MTUS2: variants seen among roughly 807,000 people sequenced by gnomAD.
MTUS2 encodes microtubule-associated tumor suppressor candidate 2.
Under a neutral mutation model 114.1 loss-of-function variants are expected in MTUS2, and 40 were observed. The observed-to-expected ratio is 0.35, with a 90% CI of 0.27 to 0.46. The LOEUF is 0.46. MTUS2 is among the 20% of genes least tolerant of loss of function. The probability of loss-of-function intolerance (pLI) is 1.00; values close to 1 mark genes in which losing one functional copy is unlikely to be tolerated. For synonymous variants in MTUS2, 688 were observed against 672.0 expected (o/e 1.02, Z -0.37); for missense variants, 1,679 against 1,705.4 (o/e 0.98, Z 0.27).
intron 9 of MTUS2, among the ~76,000 whole-genome samples, chr13:29,468,870 T>G (rs77758112): frequency 0.022 from 3,373 of 152,306 alleles, 57 homozygotes; most frequent in Non-Finnish European, 0.035. Context: ...CACTGGGACA[T>G]GAAGTGATTC....
At chr13:28,874,166 C>G (rs1052501066) in intron 2 of MTUS2, among the ~76,000 whole-genome samples, 1 of 152,090 alleles carries the variant, frequency 6.6e-6, no homozygotes, top group East Asian at 1.9e-4. Flanking sequence ...TACAGGCACC[C>G]GCCACCATGT....
At chr13:29,315,744 T>G (rs12874453) in intron 6 of MTUS2, among the ~76,000 whole-genome samples, 45,232 of 151,996 alleles carry the variant, frequency 0.3, 7,042 homozygotes, top group South Asian at 0.42. Flanking sequence ...AGGAATCTGG[T>G]GTAAACTTTA....
At chr13:28,964,192 G>A (rs1167784538) in intron 2 of MTUS2, among the ~76,000 whole-genome samples, 1 of 152,136 alleles carries the variant, frequency 6.6e-6, no homozygotes, top group Non-Finnish European at 1.5e-5. Flanking sequence ...TCCCCAACCT[G>A]TTCCTACCTG....
At chr13:29,281,547 T>C (rs1275822377) in intron 5 of MTUS2, among the ~76,000 whole-genome samples, 157 bp from the exon 6 acceptor site, 1 of 152,104 alleles carries the variant, frequency 6.6e-6, no homozygotes, top group Non-Finnish European at 1.5e-5. Flanking sequence ...CTTTTCCACA[T>C]AGGGTTCCAG....
intron 5 of MTUS2, among the ~76,000 whole-genome samples, chr13:29,195,731 T>C (rs1368569269): frequency 6.6e-6 from 1 of 151,942 alleles, no homozygotes; most frequent in East Asian, 1.9e-4. Context: ...GAGGCCAGGG[T>C]TGTTGTTAGA....
chr13:29,401,142 C>T (rs889861124), intron 8 of MTUS2, among the ~76,000 whole-genome samples: 5 of 152,090 alleles, frequency 3.3e-5, no homozygotes, highest in Admixed American at 6.6e-5. Context: ...CACACACCGC[C>T]GTGACTGGCT....
At chr13:28,884,674 G>A (rs904677385) in intron 2 of MTUS2, among the ~76,000 whole-genome samples, 2 of 152,276 alleles carry the variant, frequency 1.3e-5, no homozygotes, top group Admixed American at 6.5e-5. Flanking sequence ...GAAGTTTGTA[G>A]ATGTACCAAT....
chr13:28,835,994 G>A (rs1474318737), intron 1 of MTUS2, among the ~76,000 whole-genome samples: 1 of 151,838 alleles, frequency 6.6e-6, no homozygotes, highest in Non-Finnish European at 1.5e-5. Context: ...ATTATGCTTA[G>A]CATCGTGTTA....
At chr13:28,940,978 A>G (rs186801383) in intron 2 of MTUS2, among the ~76,000 whole-genome samples, 95 of 152,214 alleles carry the variant, frequency 6.2e-4, no homozygotes, top group Middle Eastern at 3.4e-3. Context: ...TTACCATCTA[A>G]GTTAGACTTT....
At chr13:29,071,866 G>A (rs1033699982) in intron 4 of MTUS2, 1 of 151,814 alleles carries the variant, frequency 6.6e-6, no homozygotes, top group Admixed American at 6.6e-5. Context: ...CAACTCCGAG[G>A]TGTGGCAGGG....
chr13:29,445,202 A>G (rs550096791), intron 9 of MTUS2, among the ~76,000 whole-genome samples: 19 of 152,342 alleles, frequency 1.2e-4, no homozygotes, highest in African/African-American at 4.6e-4. Context: ...AACCTTGAGG[A>G]CATGCCCTAG....
At chr13:28,908,236 A>G (rs761607622) in intron 2 of MTUS2, among the ~76,000 whole-genome samples, 17 of 151,460 alleles carry the variant, frequency 1.1e-4, no homozygotes, top group Non-Finnish European at 2.2e-4. Context: ...GTTGTGCTGC[A>G]CCCAGTAACT....
chr13:28,894,545 A>G (rs762302016), intron 2 of MTUS2, among the ~76,000 whole-genome samples: 2 of 152,008 alleles, frequency 1.3e-5, no homozygotes, highest in Non-Finnish European at 2.9e-5. Flanking sequence ...CAGTCTGTCC[A>G]CTCCGTGGTG....
In MTUS2 at chr13:29,026,719, G is replaced by A. The variant is rs763286680; in HGVS notation, c.2021G>A (p.Cys674Tyr). The change falls in exon 3 of 16, where the codon TGT (cysteine) becomes TAT (tyrosine). Residue 674 changes from cysteine (C) to tyrosine (Y), a missense_variant. Transcript: ENST00000612955. ...PVGLPYAPPT[C>Y]TMPLPHEEKA... The stretch of plus-strand genomic sequence containing the variant: ...GGGCTTCCATATGCCCCGCCCACAT[G>A]TACCATGCCTCTTCCCCACGAAGAG... 24 of 1,613,954 alleles carry A rather than the reference G, an allele frequency of 1.5e-5. No homozygotes were observed. Among genetic ancestry groups the A allele is most frequent in the Non-Finnish European group, 1.9e-5 (23 of 1,179,888 alleles).
In MTUS2 at chr13:29,389,497, A is replaced by ACACGTGTGTG. The variant is rs1566173295; in HGVS notation, c.3117+30024_3117+30025insCACGTGTGTG. Among the ~76,000 whole-genome samples, 10 of 108,614 alleles carry ACACGTGTGTG rather than the reference A, an allele frequency of 9.2e-5. 2 individuals carry two copies. Among genetic ancestry groups the ACACGTGTGTG allele is most frequent in the South Asian group, 3.2e-4 (1 of 3,148 alleles). The allele number at this position is 108,614 out of a possible 152,430, so 71.3% of individuals were successfully genotyped here. On this transcript the variant is annotated intron_variant, in intron 8 of 15. Coordinates refer to ENST00000612955, the MANE Select transcript of MTUS2 (RefSeq NM_001033602.4). ...TGTATACACGTGTGTGTATGTGTATATATGTATACACGTGTGTGTATGTGT... is the reference window on the plus strand; with the variant it reads ...TGTATACACGTGTGTGTATGTGTATACACGTGTGTGTATGTATACACGTGTGTGTATGTGT...
At chr13:28,961,111 C>T (rs1369014665) in intron 2 of MTUS2, among the ~76,000 whole-genome samples, 5 of 152,040 alleles carry the variant, frequency 3.3e-5, no homozygotes, top group Admixed American at 2.0e-4. Context: ...ATTAACAGAA[C>T]ATCAGGAACC....
chr13:29,218,713 A>G (rs1356727347), intron 5 of MTUS2, among the ~76,000 whole-genome samples: 1 of 152,190 alleles, frequency 6.6e-6, no homozygotes. Context: ...GACCAGGTGC[A>G]TTGTCAATGA....
intron 1 of MTUS2, among the ~76,000 whole-genome samples, chr13:28,827,611 A>G (rs1377627590): frequency 6.6e-6 from 1 of 152,142 alleles, no homozygotes; most frequent in Non-Finnish European, 1.5e-5. Context: ...TCAGCCCCCA[A>G]TATTTGACGT....
At chr13:28,865,704 G>A (rs1021485527) in intron 2 of MTUS2, among the ~76,000 whole-genome samples, 44 of 152,276 alleles carry the variant, frequency 2.9e-4, no homozygotes, top group African/African-American at 1.0e-3. Context: ...GCTTGTCTGG[G>A]GGTATTTCTC....
Sources: allele counts gnomAD v4.1 joint callset (sites outside exome capture counted in the v4.1 genomes callset), GRCh38; gene constraint gnomAD v4.1.1; transcripts MANE v1.5; gene names NCBI Gene and HGNC (gene_info 2026-07-23, HGNC 2026-07-21).